The following DEPDC1 variants were observed in gnomAD, a reference collection of about 807,000 sequenced individuals.
DEPDC1 encodes the protein DEP domain containing 1, also known as DEP domain-containing protein 1A.
DEPDC1 carries 66 observed loss-of-function variants against 86.8 expected under a neutral mutation model. That is an observed-to-expected ratio of 0.76 (90% confidence interval 0.62 to 0.93). The LOEUF is 0.93. Ranked by LOEUF, DEPDC1 falls within the 40% of genes least tolerant of loss-of-function variation. The pLI, the probability that DEPDC1 is intolerant of heterozygous loss-of-function variation, is 0.00. For synonymous variants in DEPDC1, 255 were observed against 314.9 expected (o/e 0.81, Z 2.02); for missense variants, 792 against 935.7 (o/e 0.85, Z 2.00).
rs1646252972 is a variant in DEPDC1 at position 68,494,680 on chromosome 1, T to C, written c.64A>G (p.Thr22Ala). Residue 22 changes from threonine (T) to alanine (A), a missense_variant, in exon 2 of 12, where the codon ACA (threonine) becomes GCA (alanine). By Grantham distance (58) the Thr-to-Ala change is moderately conservative. Coordinates refer to ENST00000456315, the MANE Select transcript of DEPDC1 (RefSeq NM_001114120.3). ...AGAGGCATTCCTGCTCGAAAAGATG[T>C]GGTAACTTCATTCCACTGTAAAAAG... ...RATKLWNEVTTSFRAGMPLRK... is the reference protein window; with the variant it reads ...RATKLWNEVTASFRAGMPLRK... The C allele has an allele frequency of 6.2e-7, 1 of 1,613,058 alleles. No individual in the cohort carries two copies. The highest frequency in any genetic ancestry group is 8.5e-7 in the Non-Finnish European group (1 of 1,179,242).
At chr1:68,489,385 T>TA (rs1418896390) in intron 3 of DEPDC1, 67 bp downstream of exon 3, 4 of 1,123,032 alleles carry the variant, frequency 3.6e-6, no homozygotes. Context: ...AATTTACTTT[T>TA]AATGATTCTA....
intron 10 of DEPDC1, 142 bp downstream of exon 10, chr1:68,479,002 C>G: frequency 1.6e-6 from 1 of 642,638 alleles, no homozygotes; most frequent in Non-Finnish European, 2.7e-6. Context: ...CTATTTGAGT[C>G]CCAGATTCTG....
chr1:68,474,383 T>C lies in DEPDC1; in HGVS notation c.*2549A>G, dbSNP rs1208175174. The C allele has an allele frequency of 2.0e-5, 3 of 152,112 alleles. No individual in the cohort carries two copies. Among genetic ancestry groups the C allele is most frequent in the African/African-American group, 2.4e-5 (1 of 41,444 alleles). 9.4% of individuals were successfully genotyped at this position (152,112 alleles called of 1,614,324 possible). On this transcript the variant is annotated 3_prime_UTR_variant, in exon 12 of 12. Transcript: ENST00000456315. ...AAAGGTAAGTCAGTGGGAAATTCCA[T>C]GTACATTCCATTACTAAATGCCACA...
Position 68,476,941 on chromosome 1 carries a change from A to G in DEPDC1, c.2427T>C (p.Ser809=), listed in dbSNP as rs1646119495. 1 of 1,593,216 alleles carries G rather than the reference A, an allele frequency of 6.3e-7. No homozygotes were observed. Among genetic ancestry groups the G allele is most frequent in the East Asian group, 2.3e-5 (1 of 44,344 alleles). ...MLILRKPKFR[S]LR is the part of the protein sequence containing the mutation. ...TTTTTAATTCAGTTAGTTATCTTAG[A>G]CTACGGAACTTTGGTTTTCTTAAAA... The change falls in exon 12 of 12, where the codon AGT becomes AGC. Residue 809 remains serine, a synonymous_variant. Coordinates refer to ENST00000456315, the MANE Select transcript of DEPDC1 (RefSeq NM_001114120.3).
At chr1:68,487,032 A>C in intron 5 of DEPDC1, 48 bp from the exon 6 acceptor site, 1 of 1,543,640 alleles carries the variant, frequency 6.5e-7, no homozygotes, top group Non-Finnish European at 8.8e-7. Flanking sequence ...ATTTTTTATG[A>C]TAGTATATTT....
rs1186639315 is a variant in DEPDC1, at chr1:68,475,627, T to C, written c.*1305A>G. 5 of 151,844 alleles carry C rather than the reference T, an allele frequency of 3.3e-5. No homozygotes were observed. Among genetic ancestry groups the C allele is most frequent in the Non-Finnish European group, 5.9e-5 (4 of 67,838 alleles). 9.4% of individuals were successfully genotyped at this position (151,844 alleles called of 1,614,324 possible). A position where few individuals can be genotyped will look rare whatever the true frequency, so the allele number is the denominator to read the frequency against. On this transcript the variant is annotated 3_prime_UTR_variant, in exon 12 of 12. Coordinates refer to ENST00000456315, the MANE Select transcript of DEPDC1 (RefSeq NM_001114120.3). ...ACAAACCATGCATTATATATTTCTT[T>C]ACACTTAAGGAATAGATATGAAACA... is the stretch of plus-strand genomic sequence containing the variant.
chr1:68,495,965 C>T (rs1405202759), intron 1 of DEPDC1, among the ~76,000 whole-genome samples: 2 of 152,072 alleles, frequency 1.3e-5, no homozygotes, highest in Non-Finnish European at 2.9e-5. Context: ...TCCTTCCTGT[C>T]CTAAATTCTA....
chr1:68,491,139 T>A (rs776772660), intron 2 of DEPDC1, among the ~76,000 whole-genome samples: 5 of 152,108 alleles, frequency 3.3e-5, no homozygotes, highest in African/African-American at 7.2e-5. Flanking sequence ...GATTTCATGA[T>A]GAAGATGCTA....
At position 68,496,137 on chromosome 1, in the gene DEPDC1, G is replaced by A. The variant is rs1209061034; in HGVS notation, c.48+815C>T. Among the ~76,000 whole-genome samples the A allele has an allele frequency of 6.6e-6, 1 of 152,140 alleles. No individual in the cohort carries two copies. The highest frequency in any genetic ancestry group is 6.5e-5 in the Admixed American group (1 of 15,278). On this transcript the variant is annotated intron_variant, in intron 1 of 11. Transcript: ENST00000456315. The surrounding 1 kb of genome is among the most constrained non-coding windows in gnomAD (Gnocchi z 4.0). ...GCCTCAGTGTGCACCTGATAAAGTA[G>A]GGCTAATAATACATGCTCGTCTGAA... is the stretch of plus-strand genomic sequence containing the variant.
At chr1:68,490,339 T>G (rs1646221232) in intron 2 of DEPDC1, among the ~76,000 whole-genome samples, 1 of 152,144 alleles carries the variant, frequency 6.6e-6, no homozygotes, top group Non-Finnish European at 1.5e-5. Flanking sequence ...TCTCATCAGT[T>G]AGCTCCCACT....
rs184836215 is a variant in DEPDC1 at position 68,491,608 on chromosome 1, G to A, written c.315-2000C>T. On this transcript the variant is annotated intron_variant, in intron 2 of 11. Transcript: ENST00000456315. ...TTTTTTAAAAAAAATGAAATTCTTT[G>A]CTCATTCATATCTCCCTCTAAGGGA... is the stretch of plus-strand genomic sequence containing the variant. 1.3e-3 allele frequency among the ~76,000 whole-genome samples: 193 copies of A among 152,132 alleles called. 2 individuals are homozygous for A. In the South Asian group the frequency reaches 0.015, roughly 12 times the overall value.
chr1:68,485,074 C>T lies in DEPDC1; in HGVS notation c.770-984G>A, dbSNP rs575948820. Among the ~76,000 whole-genome samples the T allele has an allele frequency of 2.6e-5, 4 of 151,698 alleles. No individual in the cohort carries two copies. The South Asian group carries it at 8.3e-4, about 31-fold the overall frequency. On this transcript the variant is annotated intron_variant, in intron 6 of 11. Transcript: ENST00000456315. Reference sequence around the variant, plus strand: ...AGTTAAAATGTTTCTCTTCCCAAGTCCAAATAATATTTCTTACTTCTCTGT... The same window carrying T: ...AGTTAAAATGTTTCTCTTCCCAAGTTCAAATAATATTTCTTACTTCTCTGT...
At chr1:68,485,222 C>A (rs3790481) in intron 6 of DEPDC1, among the ~76,000 whole-genome samples, 10,976 of 151,286 alleles carry the variant, frequency 0.073, 525 homozygotes, top group African/African-American at 0.14. Flanking sequence ...AGATATTTTT[C>A]TAAGGACATA....
rs908250025 is a variant in DEPDC1, at chr1:68,496,464, T to C, written c.48+488A>G. ...ACCGTTTTGAAACAGGCAGCTGTTATCCTAGTGCTATTCGGCCGATACATC... is the reference window on the plus strand; with the variant it reads ...ACCGTTTTGAAACAGGCAGCTGTTACCCTAGTGCTATTCGGCCGATACATC... On this transcript the variant is annotated intron_variant, in intron 1 of 11. Transcript: ENST00000456315. The surrounding 1 kb of genome is among the most constrained non-coding windows in gnomAD (Gnocchi z 4.0). Among the ~76,000 whole-genome samples the C allele has an allele frequency of 3.3e-5, 5 of 152,350 alleles. No individual in the cohort carries two copies. The highest frequency in any genetic ancestry group is 2.1e-4 in the South Asian group (1 of 4,830).
intron 7 of DEPDC1, 35 bp from the exon 8 acceptor site, chr1:68,482,932 T>C: frequency 6.5e-7 from 1 of 1,529,116 alleles, no homozygotes; most frequent in East Asian, 2.3e-5. Context: ...AAGATGCAAC[T>C]GTATGACAGT....
At chr1:68,487,981 A>G (rs923090082) in intron 5 of DEPDC1, among the ~76,000 whole-genome samples, 8 of 152,038 alleles carry the variant, frequency 5.3e-5, no homozygotes, top group African/African-American at 1.4e-4. Context: ...TAATTTGTAC[A>G]TAACTACTCA....
chr1:68,478,588 T>C (rs1646132743), intron 10 of DEPDC1, among the ~76,000 whole-genome samples: 1 of 151,956 alleles, frequency 6.6e-6, no homozygotes, highest in African/African-American at 2.4e-5. Flanking sequence ...AAACATGTGT[T>C]GGGCAGCCAA....
chr1:68,477,385 CAGACTT>C (rs1419158945), intron 11 of DEPDC1, among the ~76,000 whole-genome samples: 1 of 151,664 alleles, frequency 6.6e-6, no homozygotes, highest in Non-Finnish European at 1.5e-5. Context: ...TTCAGTGTCT[CAGACTT>C]AGAATTAGAC....
Position 68,482,257 on chromosome 1 carries a change from ACTT to A in DEPDC1, c.1548_1550del (p.Arg516del). The A allele has an allele frequency of 6.2e-7, 1 of 1,612,554 alleles. No homozygotes were observed. The highest frequency in any genetic ancestry group is 8.5e-7 in the Non-Finnish European group (1 of 1,179,150). On this transcript the variant is annotated inframe_deletion, in exon 8 of 12. Transcript: ENST00000456315. ...TGATATAACTATTCCTTCTTGTACT[ACTT>A]CTTAAAAGCAAACTCTGAGACCTAC...
Sources: gnomAD v4.1 joint callset for allele counts (sites outside exome capture counted in the v4.1 genomes callset) on GRCh38, gnomAD v4.1.1 for gene constraint, Gnocchi (gnomAD v3.1) non-coding constraint, MANE v1.5 for transcripts, NCBI Gene and HGNC (gene_info 2026-07-23, HGNC 2026-07-21) for gene names.